Variants in FAM83G observed in about 807,000 individuals in gnomAD.
FAM83G encodes protein FAM83G.
FAM83G carries 38 observed loss-of-function variants against 61.5 expected under a neutral mutation model. That is an observed-to-expected ratio of 0.62 (90% CI 0.48 to 0.81). FAM83G has a LOEUF of 0.81. FAM83G is among the 30% of genes least tolerant of loss of function. FAM83G has a pLI of 0.00. For missense variants in FAM83G, 989 were observed against 1,133.6 expected, an observed-to-expected ratio of 0.87 and a Z score of 1.83; for synonymous variants, 470 against 476.1, an observed-to-expected ratio of 0.99 and a Z score of 0.17.
rs148015377 is a variant in FAM83G at position 19,003,180 on chromosome 17, G to A, written c.522+340C>T. The stretch of plus-strand genomic sequence containing the variant: ...ACAGTGAATCAGAGCCACTCTAAGG[G>A]AGAGTGAGAGGAAGCCCTGGGGTTC... On this transcript the variant is annotated intron_variant, in intron 2 of 5. Transcript: ENST00000388995. This position sits in a 1 kb window ranked among gnomAD's most constrained non-coding sequence, Gnocchi z 4.5. 2.7e-5 allele frequency among the ~76,000 whole-genome samples: 4 copies of A among 150,840 alleles called. No homozygotes were observed. The highest frequency in any genetic ancestry group is 2.0e-4 in the Admixed American group (3 of 15,112).
At chr17:18,979,460 C>G in intron 4 of FAM83G, 89 bp downstream of exon 4, 1 of 1,501,340 alleles carries the variant, frequency 6.7e-7, no homozygotes, top group Non-Finnish European at 9.0e-7. Context: ...ACCAATGAAC[C>G]GGAATAACCA....
At chr17:18,993,882 T>G (rs2043495865) in intron 2 of FAM83G, among the ~76,000 whole-genome samples, 1 of 152,124 alleles carries the variant, frequency 6.6e-6, no homozygotes, top group African/African-American at 2.4e-5. Context: ...CCCACAAGGT[T>G]GTTGGAAATT....
rs1439481395 is a variant in FAM83G at position 18,996,279 on chromosome 17, C to G, written c.522+7241G>C. 6.6e-6 allele frequency among the ~76,000 whole-genome samples: 1 copy of G among 152,140 alleles called. No individual in the cohort carries two copies. The highest frequency in any genetic ancestry group is 1.5e-5 in the Non-Finnish European group (1 of 68,018). ...CCGCACTCCCTCCTCCAGCTGCAAC[C>G]CCCTCCTCCAGCAGCACGGTTGGGA... On this transcript the variant is annotated intron_variant, in intron 2 of 5. Coordinates refer to ENST00000388995, the MANE Select transcript of FAM83G (RefSeq NM_001039999.3). The surrounding 1 kb of genome is among the most constrained non-coding windows in gnomAD (Gnocchi z 4.4).
chr17:18,990,507 A>G (rs1597872980), intron 2 of FAM83G, among the ~76,000 whole-genome samples: 1 of 152,210 alleles, frequency 6.6e-6, no homozygotes, highest in Non-Finnish European at 1.5e-5. Flanking sequence ...CCTGGAGGGC[A>G]CCAGGCCCTG....
chr17:18,987,509 T>C (rs982734902), intron 3 of FAM83G, among the ~76,000 whole-genome samples: 1 of 152,172 alleles, frequency 6.6e-6, no homozygotes, highest in East Asian at 1.9e-4. Context: ...AGACACCAAA[T>C]GCCAGGGTGT....
chr17:18,977,725 C>T lies in FAM83G; in HGVS notation c.1941G>A (p.Arg647=). The change falls in exon 5 of 6, where the codon CGG becomes CGA. Residue 647 remains arginine, a synonymous_variant. Coordinates refer to ENST00000388995, the MANE Select transcript of FAM83G (RefSeq NM_001039999.3). The stretch of plus-strand genomic sequence containing the variant: ...GGGTTATATGGGGGGCACTCAGCTG[C>T]CGGCGCGGTGGTGGGGTTGGCCCGT... ...VANGPTPPPR[R]QLSAPHITRG... is the part of the protein sequence containing the mutation. 1 of 1,608,174 alleles carries T rather than the reference C, an allele frequency of 6.2e-7. No individual in the cohort carries two copies. The highest frequency in any genetic ancestry group is 8.5e-7 in the Non-Finnish European group (1 of 1,178,132).
At position 18,970,784 on chromosome 17, in the gene FAM83G, T is replaced by G. The variant is rs116312883; in HGVS notation, c.*575A>C. ...CTGGGGTGCCCATGTGCAAAATGCT[T>G]ACTTAATAGTATTATTTTAAATACG... is the stretch of plus-strand genomic sequence containing the variant. On this transcript the variant is annotated 3_prime_UTR_variant, in exon 6 of 6. Coordinates refer to ENST00000388995, the MANE Select transcript of FAM83G (RefSeq NM_001039999.3). 3.5e-3 allele frequency: 1,956 copies of G among 559,222 alleles called. 27 individuals are homozygous for G. The highest frequency in any genetic ancestry group is 0.032 in the African/African-American group (1,728 of 53,282). 34.6% of individuals were successfully genotyped at this position (559,222 alleles called of 1,614,324 possible). A position where few individuals can be genotyped will look rare whatever the true frequency, so the allele number is the denominator to read the frequency against.
rs368737975 is a variant in FAM83G at position 18,977,908 on chromosome 17, G to A, written c.1758C>T (p.Asp586=). The change falls in exon 5 of 6, where the codon GAC becomes GAT. Residue 586 remains aspartate (D), a synonymous_variant. Transcript: ENST00000388995. ...TGTCCTGGTCACTGAGGGTTACGTAGTCGTCATCATCTTCTTCTTCCACCC... is the reference window on the plus strand; with the variant it reads ...TGTCCTGGTCACTGAGGGTTACGTAATCGTCATCATCTTCTTCTTCCACCC... The part of the protein sequence containing the change: ...LDGVEEEDDD[D]YVTLSDQDSH... The A allele has an allele frequency of 1.2e-6, 2 of 1,610,320 alleles. No individual in the cohort carries two copies. Among genetic ancestry groups the A allele is most frequent in the East Asian group, 2.2e-5 (1 of 44,850 alleles).
rs760377189 is a variant in FAM83G, at chr17:18,978,201, C to G, written c.1465G>C (p.Ala489Pro). 8 of 1,558,890 alleles carry G rather than the reference C, an allele frequency of 5.1e-6. No individual in the cohort carries two copies. In the African/African-American group the frequency reaches 1.1e-4, roughly 21 times the overall value. The stretch of plus-strand genomic sequence containing the variant: ...TCCCCCTGGGGGAGGCCGTTCTCAG[C>G]TGGGACACCGTCCTGGGGGGCACTG... ...EPSAPQDGVP[A>P]ENGLPQGDPE... Residue 489 changes from alanine (A) to proline (P), a missense_variant, in exon 5 of 6, where the codon GCT becomes CCT. Coordinates refer to ENST00000388995, the MANE Select transcript of FAM83G (RefSeq NM_001039999.3).
chr17:18,979,705 G>C, intron 3 of FAM83G, 32 bp from the exon 4 acceptor site: 1 of 1,611,482 alleles, frequency 6.2e-7, no homozygotes, highest in Non-Finnish European at 8.5e-7. Flanking sequence ...AGAATTACAC[G>C]ACTGCAACCC....
chr17:18,980,239 TC>T (rs1441370824), intron 3 of FAM83G, among the ~76,000 whole-genome samples: 1 of 152,120 alleles, frequency 6.6e-6, no homozygotes, highest in Non-Finnish European at 1.5e-5. Flanking sequence ...TGGGCTCTGC[TC>T]CGAGGACAGG....
At chr17:18,990,217 G>A (rs2043378954) in intron 2 of FAM83G, among the ~76,000 whole-genome samples, 2 of 152,172 alleles carry the variant, frequency 1.3e-5, no homozygotes, top group Admixed American at 1.3e-4. Flanking sequence ...CCCTGACCTA[G>A]GAGATGTTCA....
Position 18,975,419 on chromosome 17 carries a change from G to A in FAM83G, c.2082+2165C>T, listed in dbSNP as rs535614632. Among the ~76,000 whole-genome samples, 12 of 152,358 alleles carry A rather than the reference G, an allele frequency of 7.9e-5. No homozygotes were observed. The South Asian group carries it at 1.7e-3, about 21-fold the overall frequency. On this transcript the variant is annotated intron_variant, in intron 5 of 5. Coordinates refer to ENST00000388995, the MANE Select transcript of FAM83G (RefSeq NM_001039999.3). ...AAAATCACGGAGGCAGCCGGATGCG[G>A]TGGCTCACACCTGTAATCCCAGCAC...
chr17:18,977,451 T>C (rs2043007728), intron 5 of FAM83G, 133 bp downstream of exon 5: 2 of 914,610 alleles, frequency 2.2e-6, no homozygotes, highest in Admixed American at 5.3e-5. Context: ...TTCATCAAGT[T>C]TCCCCATCTG....
chr17:18,977,136 C>A, intron 5 of FAM83G: 1 of 1,118,370 alleles, frequency 8.9e-7, no homozygotes, highest in Non-Finnish European at 1.3e-6. Flanking sequence ...TCCTCAGGGC[C>A]ACAATCAAAG....
rs951468838 is a variant in FAM83G at position 18,968,798 on chromosome 17, A to C, written c.*2561T>G. 1 of 501,834 alleles carries C rather than the reference A, an allele frequency of 2.0e-6. No individual in the cohort carries two copies. Among genetic ancestry groups the C allele is most frequent in the African/African-American group, 2.0e-5 (1 of 50,952 alleles). The allele number at this position is 501,834 out of a possible 1,614,324, so 31.1% of individuals were successfully genotyped here. Reference sequence around the variant, plus strand: ...TCAATAACAACACTGCTTTTGGGAAAGGCATTGGCCACTTTGGACTTTATT... The same window carrying C: ...TCAATAACAACACTGCTTTTGGGAACGGCATTGGCCACTTTGGACTTTATT... On this transcript the variant is annotated 3_prime_UTR_variant, in exon 6 of 6. Coordinates refer to ENST00000388995, the MANE Select transcript of FAM83G (RefSeq NM_001039999.3). This position sits in a 1 kb window ranked among gnomAD's most constrained non-coding sequence, Gnocchi z 4.1.
intron 3 of FAM83G, among the ~76,000 whole-genome samples, chr17:18,983,311 C>T (rs2043185328): frequency 6.6e-6 from 1 of 152,238 alleles, no homozygotes; most frequent in Non-Finnish European, 1.5e-5. Flanking sequence ...GCTCGAGGCC[C>T]AGAGAGGTGG....
chr17:19,005,408 TG>T (rs2043857656), upstream of FAM83G, among the ~76,000 whole-genome samples: 1 of 152,122 alleles, frequency 6.6e-6, no homozygotes, highest in African/African-American at 2.4e-5. Flanking sequence ...ACCCTGGTTA[TG>T]GGGAGCGTGG....
chr17:18,979,867 A>G (rs1180174330), intron 3 of FAM83G, among the ~76,000 whole-genome samples, 194 bp from the exon 4 acceptor site: 1 of 152,146 alleles, frequency 6.6e-6, no homozygotes, highest in Admixed American at 6.5e-5. Flanking sequence ...GGAGCTGCTG[A>G]GCCGTGAAGC....
Sources: gnomAD v4.1 joint callset for allele counts (sites outside exome capture counted in the v4.1 genomes callset) on GRCh38, gnomAD v4.1.1 for gene constraint, Gnocchi (gnomAD v3.1) non-coding constraint, MANE v1.5 for transcripts, NCBI Gene and HGNC (gene_info 2026-07-23, HGNC 2026-07-21) for gene names.